DIS3L2: variants seen among roughly 807,000 people sequenced by gnomAD.
The protein encoded by DIS3L2 is DIS3-like exonuclease 2.
A neutral mutation model predicts 97.5 loss-of-function variants in DIS3L2; 34 were observed. The ratio of observed to expected loss-of-function variants is 0.35; its 90% CI spans 0.27 to 0.46. The LOEUF (loss-of-function observed/expected upper bound fraction) is 0.46. DIS3L2 is among the 20% of genes least tolerant of loss of function. The pLI is 1.00. For missense variants in DIS3L2, 1,038 were observed against 1,146.0 expected, an observed-to-expected ratio of 0.91 and a Z score of 1.36; for synonymous variants, 435 against 445.2, an observed-to-expected ratio of 0.98 and a Z score of 0.29.
chr2:232,013,118 G>C (rs1274029647), intron 1 of DIS3L2, among the ~76,000 whole-genome samples: 1 of 152,130 alleles, frequency 6.6e-6, no homozygotes, highest in Non-Finnish European at 1.5e-5. Context: ...GTGCCACTTT[G>C]TCCTGTGTAA....
chr2:231,987,233 A>ATC (rs1292819810), intron 1 of DIS3L2, among the ~76,000 whole-genome samples: 1 of 152,166 alleles, frequency 6.6e-6, no homozygotes, highest in African/African-American at 2.4e-5. Flanking sequence ...CAGTTTTCTA[A>ATC]TCTCTCATCT....
chr2:232,057,755 TAA>T (rs1695588731), intron 5 of DIS3L2, among the ~76,000 whole-genome samples: 1 of 152,110 alleles, frequency 6.6e-6, no homozygotes, highest in Non-Finnish European at 1.5e-5. Flanking sequence ...TGTAAGATAA[TAA>T]ATGTGTCTTG....
intron 5 of DIS3L2, among the ~76,000 whole-genome samples, chr2:232,070,958 T>C (rs1377068952): frequency 6.6e-6 from 1 of 152,110 alleles, no homozygotes; most frequent in African/African-American, 2.4e-5. Flanking sequence ...CACTTCTAAT[T>C]CTGATTCAAA....
intron 5 of DIS3L2, among the ~76,000 whole-genome samples, chr2:232,051,298 C>T (rs1020688799): frequency 2.6e-5 from 4 of 152,242 alleles, no homozygotes; most frequent in South Asian, 2.1e-4. Flanking sequence ...ACTTTTAAAA[C>T]GTGAGTTTTA....
At chr2:232,167,236 A>G (rs1690851085) in intron 9 of DIS3L2, among the ~76,000 whole-genome samples, 1 of 152,164 alleles carries the variant, frequency 6.6e-6, no homozygotes, top group Non-Finnish European at 1.5e-5. Flanking sequence ...CTTTATTTTA[A>G]AACTATACAT....
chr2:232,192,171 A>G (rs918005903), intron 9 of DIS3L2, among the ~76,000 whole-genome samples: 8 of 152,232 alleles, frequency 5.3e-5, no homozygotes, highest in Non-Finnish European at 1.0e-4. Flanking sequence ...ATATTTATAT[A>G]CCAAAAGATA....
chr2:232,320,980 C>T (rs1324476445), intron 14 of DIS3L2, among the ~76,000 whole-genome samples: 1 of 152,306 alleles, frequency 6.6e-6, no homozygotes, highest in Non-Finnish European at 1.5e-5. Context: ...TGAACTGAAC[C>T]TGTACAGCCC....
chr2:232,256,703 T>A (rs1013806742), intron 12 of DIS3L2, among the ~76,000 whole-genome samples: 2 of 152,184 alleles, frequency 1.3e-5, no homozygotes, highest in African/African-American at 4.8e-5. Context: ...GAGGTCCCCC[T>A]TTCCACATCA....
In DIS3L2 at chr2:231,966,641, ATTTTTTTTTTTT is replaced by A. The variant is rs36151054; in HGVS notation, c.-94+4899_-94+4910del. On this transcript the variant is annotated intron_variant, in intron 1 of 20. Coordinates refer to ENST00000325385, the MANE Select transcript of DIS3L2 (RefSeq NM_152383.5). ...CACCATGCCCAGCTAGTTAAAAAAC[ATTTTTTTTTTTT>A]TTTTTTTTTTTTTTTTTTTTTTGTG... is the stretch of plus-strand genomic sequence containing the variant. 5.2e-3 allele frequency among the ~76,000 whole-genome samples: 260 copies of A among 50,412 alleles called. 1 individual carries two copies. Among genetic ancestry groups the A allele is most frequent in the East Asian group, 0.035 (51 of 1,438 alleles). 33.1% of individuals were successfully genotyped at this position (50,412 alleles called of 152,430 possible).
intron 10 of DIS3L2, among the ~76,000 whole-genome samples, chr2:232,219,105 C>T (rs1222481052): frequency 6.6e-6 from 1 of 152,222 alleles, no homozygotes; most frequent in South Asian, 2.1e-4. Context: ...GATGAAATCG[C>T]CTTCTAAGAA....
At chr2:232,205,605 G>A (rs1339443865) in intron 9 of DIS3L2, among the ~76,000 whole-genome samples, 1 of 152,028 alleles carries the variant, frequency 6.6e-6, no homozygotes, top group East Asian at 1.9e-4. Context: ...CCCAGCAAGT[G>A]TTTTTTTAAA....
chr2:232,066,836 T>C (rs961011769), intron 5 of DIS3L2, among the ~76,000 whole-genome samples: 1 of 152,086 alleles, frequency 6.6e-6, no homozygotes, highest in African/African-American at 2.4e-5. Context: ...TAAATTTTTC[T>C]GTTTCTTCTT....
chr2:232,239,693 C>A (rs1020629087), intron 11 of DIS3L2, among the ~76,000 whole-genome samples: 2 of 152,194 alleles, frequency 1.3e-5, no homozygotes, highest in African/African-American at 4.8e-5. Context: ...CCCTAGAATG[C>A]AGCACCACAG....
At chr2:232,184,756 G>A (rs1264697011) in intron 9 of DIS3L2, among the ~76,000 whole-genome samples, 2 of 152,198 alleles carry the variant, frequency 1.3e-5, no homozygotes, top group Non-Finnish European at 2.9e-5. Context: ...TATTAGGGCA[G>A]GTCAAAAATG....
chr2:232,285,155 G>A (rs1293353624), intron 13 of DIS3L2, among the ~76,000 whole-genome samples: 1 of 152,112 alleles, frequency 6.6e-6, no homozygotes, highest in African/African-American at 2.4e-5. Context: ...TGGACTAGCT[G>A]ACTGACATTT....
At chr2:232,181,399 CAG>C (rs1210693846) in intron 9 of DIS3L2, among the ~76,000 whole-genome samples, 15 of 152,160 alleles carry the variant, frequency 9.9e-5, no homozygotes, top group African/African-American at 3.6e-4. Flanking sequence ...TGATATCCTG[CAG>C]AGTGTTTTCC....
intron 3 of DIS3L2, among the ~76,000 whole-genome samples, chr2:232,021,564 G>A (rs1297538838): frequency 3.3e-5 from 5 of 151,992 alleles, no homozygotes; most frequent in Admixed American, 2.6e-4. Context: ...GGCTAGGGTT[G>A]CTTGGTCTTC....
chr2:232,095,373 C>T (rs1433886088), intron 6 of DIS3L2, among the ~76,000 whole-genome samples: 2 of 151,886 alleles, frequency 1.3e-5, no homozygotes, highest in Non-Finnish European at 2.9e-5. Context: ...ATCCTTTAAC[C>T]CATTATTTGA....
intron 8 of DIS3L2, among the ~76,000 whole-genome samples, chr2:232,153,902 C>G (rs1428889384): frequency 3.3e-5 from 5 of 149,934 alleles, no homozygotes; most frequent in African/African-American, 4.9e-5. Flanking sequence ...TTGCTTGTTT[C>G]TTTTTATTCT....
Sources: allele counts gnomAD v4.1 joint callset (sites outside exome capture counted in the v4.1 genomes callset), GRCh38; gene constraint gnomAD v4.1.1; transcripts MANE v1.5; gene names NCBI Gene and HGNC (gene_info 2026-07-23, HGNC 2026-07-21).